ZCCHC7: variants seen among roughly 807,000 people sequenced by gnomAD.
The protein encoded by ZCCHC7 is zinc finger CCHC-type containing 7, also known as zinc finger CCHC domain-containing protein 7.
A neutral mutation model predicts 52.0 loss-of-function variants in ZCCHC7; 35 were observed. The observed-to-expected ratio is 0.67, with a 90% CI of 0.51 to 0.89. ZCCHC7 has a LOEUF of 0.89. ZCCHC7 is among the 40% of genes least tolerant of loss of function. The pLI is 0.00. For missense variants in ZCCHC7, 574 were observed against 649.1 expected, an observed-to-expected ratio of 0.88 and a Z score of 1.26; for synonymous variants, 217 against 221.5, an observed-to-expected ratio of 0.98 and a Z score of 0.18.
intron 2 of ZCCHC7, among the ~76,000 whole-genome samples, chr9:37,290,847 G>C (rs1039044112): frequency 6.6e-6 from 1 of 151,922 alleles, no homozygotes; most frequent in African/African-American, 2.4e-5. Flanking sequence ...AAACTATACT[G>C]TTTCATCATC....
At chr9:37,298,265 G>C (rs151328964) in intron 2 of ZCCHC7, among the ~76,000 whole-genome samples, 83 of 152,296 alleles carry the variant, frequency 5.4e-4, no homozygotes, top group African/African-American at 2.0e-3. Flanking sequence ...TAAAAAAATA[G>C]ACTGTAGGTT....
At chr9:37,218,707 G>A (rs1038939304) in intron 2 of ZCCHC7, among the ~76,000 whole-genome samples, 4 of 152,190 alleles carry the variant, frequency 2.6e-5, no homozygotes, top group Non-Finnish European at 5.9e-5. Context: ...TACTCAGGAG[G>A]CTGAAGCAGG....
chr9:37,311,774 A>T (rs374026769), intron 5 of ZCCHC7, among the ~76,000 whole-genome samples: 12 of 152,336 alleles, frequency 7.9e-5, no homozygotes, highest in African/African-American at 2.9e-4. Flanking sequence ...TATTTTTCAC[A>T]GTGCAAAAGT....
At chr9:37,172,875 A>G (rs957311682) in intron 2 of ZCCHC7, among the ~76,000 whole-genome samples, 13 of 148,780 alleles carry the variant, frequency 8.7e-5, no homozygotes, top group African/African-American at 2.8e-4. Context: ...GGGCATTGCA[A>G]TAGGGACTTG....
At chr9:37,333,082 G>A (rs531120686) in intron 6 of ZCCHC7, among the ~76,000 whole-genome samples, 5 of 151,680 alleles carry the variant, frequency 3.3e-5, no homozygotes, top group Admixed American at 2.6e-4. Context: ...GGTTTAAATG[G>A]GAAATCAATA....
At chr9:37,193,427 CAAAG>C (rs952974950) in intron 2 of ZCCHC7, among the ~76,000 whole-genome samples, 3 of 151,858 alleles carry the variant, frequency 2.0e-5, no homozygotes, top group African/African-American at 4.8e-5. Flanking sequence ...TCTAGCAGGC[CAAAG>C]AAAGATGTTC....
chr9:37,138,192 T>G (rs1036116828), intron 2 of ZCCHC7, among the ~76,000 whole-genome samples: 2 of 152,214 alleles, frequency 1.3e-5, no homozygotes, highest in Non-Finnish European at 2.9e-5. Flanking sequence ...AGCTGTGTTA[T>G]TCACTGTTCC....
intron 2 of ZCCHC7, among the ~76,000 whole-genome samples, chr9:37,179,284 T>C (rs911782522): frequency 6.6e-6 from 1 of 152,196 alleles, no homozygotes; most frequent in Non-Finnish European, 1.5e-5. Flanking sequence ...TTTCCCTTTT[T>C]GTCTTAGTGC....
intron 2 of ZCCHC7, among the ~76,000 whole-genome samples, chr9:37,216,362 T>A (rs771703529): frequency 1.3e-5 from 2 of 152,182 alleles, no homozygotes; most frequent in Non-Finnish European, 2.9e-5. Context: ...TTTTATTTGC[T>A]CTAAATGGTT....
intron 6 of ZCCHC7, among the ~76,000 whole-genome samples, chr9:37,347,151 T>C (rs1821036746): frequency 6.6e-6 from 1 of 152,200 alleles, no homozygotes; most frequent in Non-Finnish European, 1.5e-5. Context: ...TCTCCCCCTG[T>C]TTACAGCCAC....
intron 2 of ZCCHC7, among the ~76,000 whole-genome samples, chr9:37,249,526 A>C (rs1237158589): frequency 1.5e-5 from 2 of 136,418 alleles, no homozygotes. Flanking sequence ...GCTGGAGTCC[A>C]CTGCAACCTC....
chr9:37,124,906 C>T (rs1445514617), intron 1 of ZCCHC7, among the ~76,000 whole-genome samples: 1 of 152,104 alleles, frequency 6.6e-6, no homozygotes, highest in African/African-American at 2.4e-5. Flanking sequence ...GGGTGAAGTG[C>T]AGTGGCATGA....
chr9:37,120,309 C>G (rs1055796549), upstream of ZCCHC7, among the ~76,000 whole-genome samples: 1 of 152,144 alleles, frequency 6.6e-6, no homozygotes, highest in Non-Finnish European at 1.5e-5. Context: ...CTCCTTCGTA[C>G]GAGTCATTCA....
chr9:37,267,231 A>T (rs1827148112), intron 2 of ZCCHC7, among the ~76,000 whole-genome samples: 1 of 152,208 alleles, frequency 6.6e-6, no homozygotes, highest in African/African-American at 2.4e-5. Context: ...ACTAAGGATT[A>T]AGGTGAGATG....
intron 2 of ZCCHC7, among the ~76,000 whole-genome samples, chr9:37,158,833 TAAAA>T (rs1339587788): frequency 2.6e-5 from 4 of 152,184 alleles, no homozygotes; most frequent in Non-Finnish European, 5.9e-5. Context: ...GCAAGTGGCA[TAAAA>T]AAATATTAGT....
rs375857997 is a variant in ZCCHC7 at position 37,231,990 on chromosome 9, T to G, written c.611-70198T>G. 2.0e-4 allele frequency among the ~76,000 whole-genome samples: 30 copies of G among 152,362 alleles called. 1 individual carries two copies. In the East Asian group the frequency reaches 3.5e-3, roughly 18 times the overall value. On this transcript the variant is annotated intron_variant, in intron 2 of 8. Coordinates refer to ENST00000336755, the MANE Select transcript of ZCCHC7 (RefSeq NM_032226.3). The stretch of plus-strand genomic sequence containing the variant: ...AGTCTCTTCTTTTTGTTGCTGGTTG[T>G]CACATTTCTGCAAACAGCAATGTAT...
At chr9:37,261,814 G>T (rs1040386492) in intron 2 of ZCCHC7, among the ~76,000 whole-genome samples, 2 of 151,884 alleles carry the variant, frequency 1.3e-5, no homozygotes, top group African/African-American at 2.4e-5. Flanking sequence ...TTTAGTCAAG[G>T]TAAACATCTA....
At chr9:37,177,505 C>T (rs1189567597) in intron 2 of ZCCHC7, among the ~76,000 whole-genome samples, 1 of 152,020 alleles carries the variant, frequency 6.6e-6, no homozygotes, top group East Asian at 1.9e-4. Flanking sequence ...TTGAGCCATA[C>T]CTACAGAGAG....
chr9:37,123,916 G>C (rs1461476259), intron 1 of ZCCHC7, among the ~76,000 whole-genome samples: 1 of 152,184 alleles, frequency 6.6e-6, no homozygotes, highest in Non-Finnish European at 1.5e-5. Context: ...CTGAAGGACA[G>C]TGCAACAAGG....
Sources: gnomAD v4.1 joint callset for allele counts (sites outside exome capture counted in the v4.1 genomes callset) on GRCh38, gnomAD v4.1.1 for gene constraint, MANE v1.5 for transcripts, NCBI Gene and HGNC (gene_info 2026-07-23, HGNC 2026-07-21) for gene names.